PRSS38: variants seen among roughly 807,000 people sequenced by gnomAD.
PRSS38 encodes the protein marapsin 2.
A neutral mutation model predicts 26.8 loss-of-function variants in PRSS38; 22 were observed. That is an observed-to-expected ratio of 0.82 (90% CI 0.59 to 1.17). The LOEUF (loss-of-function observed/expected upper bound fraction) is 1.17. Among genes scored for constraint, PRSS38 ranks in the 50% most tolerant of loss-of-function variants. PRSS38 has a pLI of 0.00. For synonymous variants in PRSS38, 175 were observed against 172.1 expected (o/e 1.02, Z -0.13); for missense variants, 427 against 422.7 (o/e 1.01, Z -0.09).
chr1:227,842,754 TTAG>T (rs1255780843), intron 3 of PRSS38, among the ~76,000 whole-genome samples: 2 of 152,240 alleles, frequency 1.3e-5, no homozygotes, highest in South Asian at 2.1e-4. Flanking sequence ...TTTTGTATTC[TTAG>T]TAGAATACGG....
At chr1:227,845,775 G>A (rs755728345) in intron 4 of PRSS38, among the ~76,000 whole-genome samples, 163 bp downstream of exon 4, 3 of 152,210 alleles carry the variant, frequency 2.0e-5, no homozygotes, top group Non-Finnish European at 4.4e-5. Context: ...CATGCCTGCA[G>A]CAGGCCTCCC....
chr1:227,824,419 C>T (rs1572082723), intron 3 of PRSS38, among the ~76,000 whole-genome samples: 1 of 152,160 alleles, frequency 6.6e-6, no homozygotes, highest in Admixed American at 6.5e-5. Flanking sequence ...TTCATGGCTG[C>T]ATAGTATTCC....
chr1:227,834,593 C>T (rs768209493), intron 3 of PRSS38, among the ~76,000 whole-genome samples: 8 of 151,910 alleles, frequency 5.3e-5, no homozygotes, highest in South Asian at 2.1e-4. Context: ...CGTTTGAACC[C>T]GGGAGGCAGA....
In PRSS38 at chr1:227,816,376, ACCCGCGCAAGGCCAGGTCC is replaced by A. The variant is rs1664916983; in HGVS notation, c.311+127_311+145del. 1 of 1,048,746 alleles carries A rather than the reference ACCCGCGCAAGGCCAGGTCC, an allele frequency of 9.5e-7. No homozygotes were observed. The highest frequency in any genetic ancestry group is 1.6e-5 in the African/African-American group (1 of 63,060). The allele number at this position is 1,048,746 out of a possible 1,614,324, so 65.0% of individuals were successfully genotyped here. A position where few individuals can be genotyped will look rare whatever the true frequency, so the allele number is the denominator to read the frequency against. On this transcript the variant is annotated intron_variant, in intron 2 of 4. Coordinates refer to ENST00000366757, the Ensembl canonical transcript of PRSS38. The surrounding 1 kb of genome is among the most constrained non-coding windows in gnomAD (Gnocchi z 5.1). ...TTGTCGACTCCCTTCACCACTGTCG[ACCCGCGCAAGGCCAGGTCC>A]CCACCAGTGAGGCTGGTCCCCAAAC...
At chr1:227,817,790 A>G (rs1418599636) in intron 3 of PRSS38, among the ~76,000 whole-genome samples, 1 of 152,230 alleles carries the variant, frequency 6.6e-6, no homozygotes, top group Non-Finnish European at 1.5e-5. Flanking sequence ...TAGCTTATCT[A>G]AAAACCGTTT....
At chr1:227,817,674 A>G (rs1572079474) in intron 3 of PRSS38, among the ~76,000 whole-genome samples, 194 bp downstream of exon 3, 1 of 152,348 alleles carries the variant, frequency 6.6e-6, no homozygotes, top group East Asian at 1.9e-4. Flanking sequence ...TGTTGTATGC[A>G]GAAAAATACA....
chr1:227,846,293 C>T (rs943925443), exon 5 of PRSS38: 62 of 1,529,694 alleles, frequency 4.1e-5, no homozygotes, highest in Admixed American at 1.8e-5. Context: ...ATCTCCTGTC[C>T]TGGCCTCTCT....
At chr1:227,829,377 G>T (rs895349926) in intron 3 of PRSS38, among the ~76,000 whole-genome samples, 1 of 151,980 alleles carries the variant, frequency 6.6e-6, no homozygotes, top group East Asian at 1.9e-4. Context: ...TTTCTCTGAC[G>T]ATTAGTGATA....
At chr1:227,845,884 T>G in intron 4 of PRSS38, 70 bp from the exon 5 acceptor site, 1 of 1,578,668 alleles carries the variant, frequency 6.3e-7, no homozygotes, top group Non-Finnish European at 8.6e-7. Context: ...CCTTGCACCC[T>G]GGGGGACAGG....
chr1:227,818,687 A>AAAC (rs1553292018), intron 3 of PRSS38, among the ~76,000 whole-genome samples: 203 of 151,818 alleles, frequency 1.3e-3, no homozygotes, highest in African/African-American at 4.8e-3. Context: ...AAAAAAAAAA[A>AAAC]AAAAAAAAAA....
chr1:227,838,674 A>G (rs1377716686), intron 3 of PRSS38, among the ~76,000 whole-genome samples: 1 of 152,202 alleles, frequency 6.6e-6, no homozygotes, highest in African/African-American at 2.4e-5. Context: ...GTCTTAAGCT[A>G]CAGGACTTAC....
At chr1:227,843,466 G>A (rs1361971678) in intron 3 of PRSS38, among the ~76,000 whole-genome samples, 2 of 152,288 alleles carry the variant, frequency 1.3e-5, no homozygotes, top group East Asian at 1.9e-4. Flanking sequence ...ACTTTGGGAG[G>A]CTGAGATGGG....
chr1:227,833,527 CA>C (rs34002342), intron 3 of PRSS38, among the ~76,000 whole-genome samples: 126,551 of 148,664 alleles, frequency 0.85, 53,922 homozygotes, highest in South Asian at 0.91. Context: ...GACTCCATCT[CA>C]AAAAAAAAAA....
exon 5 of PRSS38, chr1:227,846,377 A>G: frequency 1.2e-6 from 1 of 852,742 alleles, no homozygotes; most frequent in Non-Finnish European, 1.8e-6. Context: ...TACAAAAGAA[A>G]AAAGGGAAGG....
intron 3 of PRSS38, among the ~76,000 whole-genome samples, chr1:227,832,666 G>A (rs2102680481): frequency 6.6e-6 from 1 of 152,134 alleles, no homozygotes; most frequent in Non-Finnish European, 1.5e-5. Flanking sequence ...AGACAAATTA[G>A]GTGAGAAAAA....
In PRSS38 at chr1:227,816,373, T is replaced by C. The variant is rs759710938; in HGVS notation, c.311+121T>C. ...CCATTGTCGACTCCCTTCACCACTG[T>C]CGACCCGCGCAAGGCCAGGTCCCCA... On this transcript the variant is annotated intron_variant, in intron 2 of 4. Coordinates refer to ENST00000366757, the Ensembl canonical transcript of PRSS38. The surrounding 1 kb of genome is among the most constrained non-coding windows in gnomAD (Gnocchi z 5.1). The C allele has an allele frequency of 1.0e-5, 11 of 1,093,236 alleles. No homozygotes were observed. The highest frequency in any genetic ancestry group is 1.4e-5 in the Non-Finnish European group (11 of 762,526). 67.7% of individuals were successfully genotyped at this position (1,093,236 alleles called of 1,614,324 possible).
chr1:227,842,885 A>C (rs1291724513), intron 3 of PRSS38, among the ~76,000 whole-genome samples: 1 of 152,024 alleles, frequency 6.6e-6, no homozygotes, highest in Non-Finnish European at 1.5e-5. Context: ...CCTCTGAGGG[A>C]ACTTCTTACC....
chr1:227,820,042 T>A (rs890655389), intron 3 of PRSS38, among the ~76,000 whole-genome samples: 6 of 122,946 alleles, frequency 4.9e-5, no homozygotes, highest in African/African-American at 1.9e-4. Flanking sequence ...TGAGCTGAGA[T>A]CACGCCATTG....
chr1:227,816,194 TGCG>T lies in PRSS38; in HGVS notation c.259_261del (p.Gly87del). The T allele has an allele frequency of 6.2e-7, 1 of 1,613,630 alleles. No individual in the cohort carries two copies. ...CGTGCACTACGCAGGCCTCCACGTCTGCGGCGGCTCCATCCTCAATGAGTACTG... is the reference window on the plus strand; with the variant it reads ...CGTGCACTACGCAGGCCTCCACGTCTGCGGCTCCATCCTCAATGAGTACTG... On this transcript the variant is annotated inframe_deletion, in exon 2 of 5. Transcript: ENST00000366757. The surrounding 1 kb of genome is among the most constrained non-coding windows in gnomAD (Gnocchi z 5.1).
Sources: gnomAD v4.1 joint callset for allele counts (sites outside exome capture counted in the v4.1 genomes callset) on GRCh38, gnomAD v4.1.1 for gene constraint, Gnocchi (gnomAD v3.1) non-coding constraint, MANE v1.5 for transcripts, NCBI Gene and HGNC (gene_info 2026-07-23, HGNC 2026-07-21) for gene names.